The following TENM3 variants were observed in gnomAD, a reference collection of about 807,000 sequenced individuals.
TENM3 encodes the protein teneurin-3.
TENM3 carries 63 observed loss-of-function variants against 255.1 expected under a neutral mutation model. The ratio of observed to expected loss-of-function variants is 0.25; its 90% CI spans 0.20 to 0.30. The LOEUF is 0.30. TENM3 is among the 10% of genes least tolerant of loss of function. The probability of loss-of-function intolerance (pLI) is 1.00; values close to 1 mark genes in which losing one functional copy is unlikely to be tolerated. For missense variants in TENM3, 2,929 were observed against 3,461.1 expected, an observed-to-expected ratio of 0.85 and a Z score of 3.86; for synonymous variants, 1,306 against 1,322.3, an observed-to-expected ratio of 0.99 and a Z score of 0.27.
At chr4:181,631,663 C>T in the TENM3 span, among the ~76,000 whole-genome samples, 2 of 152,146 alleles carry the variant, frequency 1.3e-5, no homozygotes, top group Non-Finnish European at 1.5e-5. Flanking sequence ...TTTATCAATT[C>T]AAAGTCAGCT....
chr4:181,619,904 G>A, the TENM3 span, among the ~76,000 whole-genome samples: 3 of 152,222 alleles, frequency 2.0e-5, no homozygotes, highest in Non-Finnish European at 4.4e-5. Flanking sequence ...TGGCAGTCAG[G>A]AAATGAAACT....
chr4:181,902,200 A>AC, the TENM3 span, among the ~76,000 whole-genome samples: 230 of 147,326 alleles, frequency 1.6e-3, no homozygotes, highest in Non-Finnish European at 2.5e-3. Context: ...AAAAAAAAAA[A>AC]CCCTATTAAA....
In TENM3 at chr4:182,800,901, T is replaced by G. The variant is rs2152842115; in HGVS notation, c.*550T>G. ...TCTGCGGCGGGGATTTATTAATGGATTTTACAATGCTAACGTGGTTTCCCT... is the reference window on the plus strand; with the variant it reads ...TCTGCGGCGGGGATTTATTAATGGAGTTTACAATGCTAACGTGGTTTCCCT... On this transcript the variant is annotated 3_prime_UTR_variant, in exon 28 of 28. Coordinates refer to ENST00000511685, the MANE Select transcript of TENM3 (RefSeq NM_001080477.4). 1 of 152,766 alleles carries G rather than the reference T, an allele frequency of 6.5e-6. No individual in the cohort carries two copies. Among genetic ancestry groups the G allele is most frequent in the African/African-American group, 2.4e-5 (1 of 41,570 alleles). The allele number at this position is 152,766 out of a possible 1,614,324, so 9.5% of individuals were successfully genotyped here. A position where few individuals can be genotyped will look rare whatever the true frequency, so the allele number is the denominator to read the frequency against.
At chr4:182,251,663 T>G (rs1475381765) in intron 1 of TENM3, among the ~76,000 whole-genome samples, 1 of 152,166 alleles carries the variant, frequency 6.6e-6, no homozygotes, top group Non-Finnish European at 1.5e-5. Flanking sequence ...AGAATTCTAT[T>G]CCCTCCTCGA....
At chr4:181,554,611 T>G in the TENM3 span, among the ~76,000 whole-genome samples, 1 of 152,216 alleles carries the variant, frequency 6.6e-6, no homozygotes, top group African/African-American at 2.4e-5. Flanking sequence ...ATTTCCAATG[T>G]CTACATCCCA....
the TENM3 span, among the ~76,000 whole-genome samples, chr4:181,583,642 G>A: frequency 6.6e-6 from 1 of 152,024 alleles, no homozygotes; most frequent in East Asian, 1.9e-4. Flanking sequence ...TTTTGAGGTT[G>A]GTGAAATTAT....
At chr4:182,553,310 CAT>C (rs766779549) in intron 3 of TENM3, among the ~76,000 whole-genome samples, 8 of 142,920 alleles carry the variant, frequency 5.6e-5, no homozygotes, top group Non-Finnish European at 1.0e-4. Context: ...TGTTCTCACT[CAT>C]AGGTGGGAAT....
intron 24 of TENM3, among the ~76,000 whole-genome samples, chr4:182,780,812 G>C (rs1765106686): frequency 6.6e-6 from 1 of 151,694 alleles, no homozygotes; most frequent in African/African-American, 2.4e-5. Context: ...TATTCTGTTT[G>C]AAGCAATTGT....
chr4:181,588,888 C>T, the TENM3 span, among the ~76,000 whole-genome samples: 1 of 152,128 alleles, frequency 6.6e-6, no homozygotes, highest in East Asian at 1.9e-4. Context: ...GAGATGTCAA[C>T]CCCATAGAGA....
intron 6 of TENM3, among the ~76,000 whole-genome samples, chr4:182,655,925 T>C (rs2152520306): frequency 6.6e-6 from 1 of 152,326 alleles, no homozygotes. Flanking sequence ...TTTTATTTTA[T>C]TGTATTTCTC....
At chr4:181,683,231 G>A in the TENM3 span, among the ~76,000 whole-genome samples, 1 of 151,906 alleles carries the variant, frequency 6.6e-6, no homozygotes, top group Admixed American at 6.6e-5. Flanking sequence ...TAAAACCTCG[G>A]AAATAGCTCA....
the TENM3 span, among the ~76,000 whole-genome samples, chr4:181,930,850 G>A: frequency 6.6e-6 from 1 of 152,160 alleles, no homozygotes; most frequent in Non-Finnish European, 1.5e-5. Context: ...GGAATGCAAG[G>A]CTGGTTCAGC....
At chr4:182,484,047 C>T (rs10461323) in intron 3 of TENM3, among the ~76,000 whole-genome samples, 25,072 of 151,978 alleles carry the variant, frequency 0.16, 2,198 homozygotes, top group Middle Eastern at 0.27. Context: ...TTCATGAGAG[C>T]GGGACTCATG....
chr4:182,499,732 G>A (rs953025312), intron 3 of TENM3, among the ~76,000 whole-genome samples: 8 of 152,094 alleles, frequency 5.3e-5, no homozygotes, highest in African/African-American at 1.9e-4. Context: ...GACAACTGAT[G>A]ACAGAATATG....
chr4:182,382,447 C>T (rs190734194), intron 3 of TENM3, among the ~76,000 whole-genome samples: 66 of 152,142 alleles, frequency 4.3e-4, no homozygotes, highest in African/African-American at 1.3e-3. Flanking sequence ...AATATCATTC[C>T]CAGCCAACCT....
chr4:181,465,788 A>G, the TENM3 span, among the ~76,000 whole-genome samples: 1 of 152,140 alleles, frequency 6.6e-6, no homozygotes, highest in Admixed American at 6.6e-5. Context: ...TACAGTGAGC[A>G]CCAGACGGAG....
chr4:181,793,909 T>C, the TENM3 span, among the ~76,000 whole-genome samples: 1 of 152,206 alleles, frequency 6.6e-6, no homozygotes, highest in Non-Finnish European at 1.5e-5. Context: ...ATTATTTAGA[T>C]TATGATTAGG....
chr4:182,585,903 A>C (rs1745975249), intron 3 of TENM3, among the ~76,000 whole-genome samples: 3 of 152,226 alleles, frequency 2.0e-5, no homozygotes, highest in Admixed American at 6.5e-5. Context: ...GGCAGTGAGC[A>C]TCTTGAAGAA....
chr4:182,780,268 A>C lies in TENM3; in HGVS notation c.5304+5115A>C, dbSNP rs925255649. Among the ~76,000 whole-genome samples, 20 of 144,774 alleles carry C rather than the reference A, an allele frequency of 1.4e-4. No individual in the cohort carries two copies. The East Asian group carries it at 2.2e-3, about 16-fold the overall frequency. 95.0% of individuals were successfully genotyped at this position (144,774 alleles called of 152,430 possible). On this transcript the variant is annotated intron_variant, in intron 24 of 27. Coordinates refer to ENST00000511685, the MANE Select transcript of TENM3 (RefSeq NM_001080477.4). Reference sequence around the variant, plus strand: ...GGAAGGGATCCAGTTTCAGCTTTCTACATATGGCTAGCCAGTTTTCCCAGC... The same window carrying C: ...GGAAGGGATCCAGTTTCAGCTTTCTCCATATGGCTAGCCAGTTTTCCCAGC...
Sources: gnomAD v4.1 joint callset for allele counts (sites outside exome capture counted in the v4.1 genomes callset) on GRCh38, gnomAD v4.1.1 for gene constraint, MANE v1.5 for transcripts, NCBI Gene and HGNC (gene_info 2026-07-23, HGNC 2026-07-21) for gene names.